The following RIT2 variants were observed in gnomAD, a reference collection of about 807,000 sequenced individuals.
RIT2 encodes Ras like without CAAX 2.
Under a neutral mutation model 23.7 loss-of-function variants are expected in RIT2, and 24 were observed. That is an observed-to-expected ratio of 1.01 (90% CI 0.73 to 1.43). RIT2 has a LOEUF of 1.43. Among genes scored for constraint, RIT2 ranks in the 40% most tolerant of loss-of-function variants. The probability of loss-of-function intolerance (pLI) is 0.00; values close to 1 mark genes in which losing one functional copy is unlikely to be tolerated. For missense variants in RIT2, 236 were observed against 266.9 expected (o/e 0.88, Z 0.81); for synonymous variants, 107 against 91.1 (o/e 1.17, Z -0.99).
At chr18:42,771,889 G>T (rs1187757569) in intron 4 of RIT2, among the ~76,000 whole-genome samples, 1 of 152,050 alleles carries the variant, frequency 6.6e-6, no homozygotes, top group Non-Finnish European at 1.5e-5. Context: ...GTTGCCCTTT[G>T]CAACTTGTTT....
At chr18:42,795,380 G>T (rs553626297) in intron 4 of RIT2, among the ~76,000 whole-genome samples, 1 of 152,360 alleles carries the variant, frequency 6.6e-6, no homozygotes, top group South Asian at 2.1e-4. Flanking sequence ...ACCCGGGCCA[G>T]CGGCTGTGGA....
rs961952733 is a variant in RIT2 at position 43,108,173 on chromosome 18, T to G, written c.103+7244A>C. Among the ~76,000 whole-genome samples the G allele has an allele frequency of 3.7e-5, 4 of 108,300 alleles. No individual in the cohort carries two copies. In the Admixed American group the frequency reaches 4.0e-4, roughly 11 times the overall value. The allele number at this position is 108,300 out of a possible 152,430, so 71.0% of individuals were successfully genotyped here. On this transcript the variant is annotated intron_variant, in intron 1 of 4. Transcript: ENST00000326695. ...CTGAGTGATAGAACGAGACTCCATC[T>G]CAAAAAAAAAAAAAATGCAGCTGAA... is the stretch of plus-strand genomic sequence containing the variant.
At chr18:42,855,892 A>G (rs1014327577) in intron 4 of RIT2, among the ~76,000 whole-genome samples, 10 of 152,314 alleles carry the variant, frequency 6.6e-5, no homozygotes, top group African/African-American at 2.4e-4. Context: ...CTGAATCATT[A>G]GTGAAATTTT....
intron 1 of RIT2, among the ~76,000 whole-genome samples, chr18:43,079,341 C>T (rs1913100617): frequency 6.6e-6 from 1 of 152,084 alleles, no homozygotes; most frequent in African/African-American, 2.4e-5. Flanking sequence ...AAAGACTGAG[C>T]AGACAAATCA....
intron 4 of RIT2, among the ~76,000 whole-genome samples, chr18:42,781,091 T>A (rs1430048990): frequency 1.5e-4 from 23 of 152,060 alleles, no homozygotes; most frequent in Admixed American, 1.4e-3. Context: ...GAAAGTGTTT[T>A]CAAACTGAAA....
rs553047748 is a variant in RIT2, at chr18:42,853,874, G to A, written c.426+69698C>T. 2.8e-4 allele frequency among the ~76,000 whole-genome samples: 42 copies of A among 152,056 alleles called. 1 individual carries two copies. In the South Asian group the frequency reaches 8.5e-3, roughly 31 times the overall value. ...AATGCATGTTTAGAAAAAAACTCTG[G>A]GTTTATGTTCCAATTAAATGATTAA... On this transcript the variant is annotated intron_variant, in intron 4 of 4. Coordinates refer to ENST00000326695, the MANE Select transcript of RIT2 (RefSeq NM_002930.4).
intron 4 of RIT2, among the ~76,000 whole-genome samples, chr18:42,755,326 G>A (rs951357416): frequency 9.9e-5 from 15 of 151,880 alleles, no homozygotes; most frequent in African/African-American, 2.9e-4. Flanking sequence ...TATCATATTC[G>A]ATACATGCTC....
At chr18:42,916,119 TA>T (rs1276797963) in intron 4 of RIT2, among the ~76,000 whole-genome samples, 1 of 152,058 alleles carries the variant, frequency 6.6e-6, no homozygotes, top group East Asian at 1.9e-4. Context: ...GCTAATTTGT[TA>T]AAATAGATTG....
intron 4 of RIT2, among the ~76,000 whole-genome samples, chr18:42,863,885 G>A (rs1907397875): frequency 1.3e-5 from 2 of 152,132 alleles, no homozygotes; most frequent in Admixed American, 6.5e-5. Flanking sequence ...ATAAACTAGT[G>A]AGAAGCCAAA....
chr18:42,797,594 C>G (rs1238968417), intron 4 of RIT2, among the ~76,000 whole-genome samples: 1 of 152,134 alleles, frequency 6.6e-6, no homozygotes, highest in Non-Finnish European at 1.5e-5. Flanking sequence ...TCACAACTAA[C>G]CTCAGCACAG....
Position 43,115,474 on chromosome 18 carries a change from C to G in RIT2, c.46G>C (p.Gly16Arg). Residue 16 changes from glycine (G) to arginine (R), a missense_variant, in exon 1 of 5, where the codon GGC becomes CGC. By Grantham distance (125) the Gly-to-Arg change is moderately radical. Coordinates refer to ENST00000326695, the MANE Select transcript of RIT2 (RefSeq NM_002930.4). ...EASCSPGSAS[G>R]GSREYKVVML... ...ACCACCTTGTACTCTCTGGACCCGC[C>G]TGATGCGCTGCCCGGGGAGCAGCTG... 1.2e-6 allele frequency: 2 copies of G among 1,613,694 alleles called. No individual in the cohort carries two copies. Among genetic ancestry groups the G allele is most frequent in the South Asian group, 2.2e-5 (2 of 91,046 alleles).
intron 4 of RIT2, among the ~76,000 whole-genome samples, chr18:42,754,970 T>G (rs185772050): frequency 6.6e-5 from 10 of 152,324 alleles, no homozygotes; most frequent in Admixed American, 1.3e-4. Flanking sequence ...AAATCCTGGC[T>G]ACACCACTTT....
At chr18:42,897,351 G>A (rs572175128) in intron 4 of RIT2, among the ~76,000 whole-genome samples, 146 of 152,260 alleles carry the variant, frequency 9.6e-4, no homozygotes, top group Admixed American at 1.8e-3. Flanking sequence ...TGGAGCAGGG[G>A]GAAGTGGGTT....
chr18:42,867,824 C>T (rs1045530995), intron 4 of RIT2, among the ~76,000 whole-genome samples: 3 of 152,106 alleles, frequency 2.0e-5, no homozygotes, highest in African/African-American at 2.4e-5. Flanking sequence ...CTATCACTTC[C>T]TTCACGATTC....
chr18:43,101,949 T>C (rs1032004576), intron 1 of RIT2, among the ~76,000 whole-genome samples: 4 of 152,190 alleles, frequency 2.6e-5, no homozygotes, highest in African/African-American at 4.8e-5. Context: ...AAGGAAAAAC[T>C]TTTAATCCTA....
At chr18:42,992,626 C>T (rs1269327390) in intron 2 of RIT2, among the ~76,000 whole-genome samples, 3 of 152,184 alleles carry the variant, frequency 2.0e-5, no homozygotes, top group Non-Finnish European at 4.4e-5. Context: ...CCCCTCCTCA[C>T]ACCCAGTCTG....
At chr18:42,944,753 G>A (rs913698648) in intron 3 of RIT2, among the ~76,000 whole-genome samples, 6 of 152,058 alleles carry the variant, frequency 3.9e-5, no homozygotes, top group African/African-American at 7.2e-5. Context: ...TCTGCAAGTC[G>A]CTACTTTGGG....
At chr18:42,942,695 G>A (rs922399415) in intron 3 of RIT2, among the ~76,000 whole-genome samples, 7 of 152,054 alleles carry the variant, frequency 4.6e-5, no homozygotes, top group Non-Finnish European at 1.0e-4. Context: ...GTAAGTGTGG[G>A]TGTGAGTGTG....
intron 1 of RIT2, among the ~76,000 whole-genome samples, chr18:43,056,186 C>T (rs1912499031): frequency 6.6e-6 from 1 of 152,024 alleles, no homozygotes; most frequent in Non-Finnish European, 1.5e-5. Context: ...CTAACCTTAC[C>T]AGGAGATTTT....
Sources: gnomAD v4.1 joint callset for allele counts (sites outside exome capture counted in the v4.1 genomes callset) on GRCh38, gnomAD v4.1.1 for gene constraint, MANE v1.5 for transcripts, NCBI Gene and HGNC (gene_info 2026-07-23, HGNC 2026-07-21) for gene names.